The following RBFOX1 variants were observed in gnomAD, a reference collection of about 807,000 sequenced individuals.
RBFOX1 encodes the protein RNA binding fox-1 homolog 1, also known as RNA binding protein fox-1 homolog 1.
A neutral mutation model predicts 57.7 loss-of-function variants in RBFOX1; 8 were observed. The observed-to-expected ratio is 0.14, with a 90% CI of 0.08 to 0.25. The LOEUF is 0.25. Among genes scored for constraint, RBFOX1 ranks in the 10% least tolerant of loss-of-function variants. The pLI, the probability that RBFOX1 is intolerant of heterozygous loss-of-function variation, is 1.00. For missense variants in RBFOX1, 611 were observed against 548.5 expected (o/e 1.11, Z -1.14); for synonymous variants, 326 against 222.4 (o/e 1.47, Z -4.15).
In RBFOX1 at chr16:6,377,598, C is replaced by G. The variant is rs192774368; in HGVS notation, c.-64+60541C>G. Among the ~76,000 whole-genome samples, 871 of 152,282 alleles carry G rather than the reference C, an allele frequency of 5.7e-3. 13 individuals carry two copies. The highest frequency in any genetic ancestry group is 0.037 in the Middle Eastern group (11 of 294). On this transcript the variant is annotated intron_variant, in intron 2 of 15. Coordinates refer to ENST00000550418, the MANE Select transcript of RBFOX1 (RefSeq NM_018723.4). Reference sequence around the variant, plus strand: ...AGTGGAATTTGGGAAGGGTCAGGGTCTGTGCCGACAGAAATGGAAAAATCC... The same window carrying G: ...AGTGGAATTTGGGAAGGGTCAGGGTGTGTGCCGACAGAAATGGAAAAATCC...
chr16:6,734,948 TG>T, intron 3 of RBFOX1, among the ~76,000 whole-genome samples: 1 of 152,280 alleles, frequency 6.6e-6, no homozygotes, highest in South Asian at 2.1e-4. Context: ...AAGACTGGCA[TG>T]GGCAACACAG....
At chr16:5,645,142 G>C (rs2049007622) in intron 3 of RBFOX1, among the ~76,000 whole-genome samples, 1 of 151,988 alleles carries the variant, frequency 6.6e-6, no homozygotes, top group Admixed American at 6.6e-5. Context: ...CCAGGTACTT[G>C]AGAGGCTGAG....
At chr16:6,150,951 C>G (rs938655560) in intron 1 of RBFOX1, among the ~76,000 whole-genome samples, 2 of 152,166 alleles carry the variant, frequency 1.3e-5, no homozygotes, top group South Asian at 4.1e-4. Flanking sequence ...GTGCTAGCCT[C>G]TTGGTATTTT....
chr16:5,311,554 C>T (rs938935009), intron 1 of RBFOX1, among the ~76,000 whole-genome samples: 14 of 152,208 alleles, frequency 9.2e-5, no homozygotes, highest in African/African-American at 3.4e-4. Flanking sequence ...ACATCCATGC[C>T]AACATCTCTT....
At chr16:6,816,190 A>C (rs1435596521) in intron 3 of RBFOX1, among the ~76,000 whole-genome samples, 1 of 152,080 alleles carries the variant, frequency 6.6e-6, no homozygotes, top group African/African-American at 2.4e-5. Flanking sequence ...GCTCACTTGT[A>C]ATCCCAGCTC....
intron 3 of RBFOX1, among the ~76,000 whole-genome samples, chr16:6,944,114 T>A (rs2079041522): frequency 6.6e-6 from 1 of 152,080 alleles, no homozygotes; most frequent in South Asian, 2.1e-4. Context: ...GACCACACCC[T>A]GGCCAGGCAC....
chr16:6,724,360 C>G (rs1427357068), intron 3 of RBFOX1, among the ~76,000 whole-genome samples: 1 of 151,984 alleles, frequency 6.6e-6, no homozygotes, highest in Admixed American at 6.5e-5. Context: ...CAGGTGCACT[C>G]CAGCATGCCC....
At chr16:7,333,389 G>C (rs578160177) in intron 4 of RBFOX1, among the ~76,000 whole-genome samples, 1 of 152,292 alleles carries the variant, frequency 6.6e-6, no homozygotes, top group African/African-American at 2.4e-5. Flanking sequence ...CTCCTTCTCA[G>C]CTTTCTGAGG....
chr16:5,970,558 A>T (rs2059942032), intron 4 of RBFOX1, among the ~76,000 whole-genome samples: 1 of 152,176 alleles, frequency 6.6e-6, no homozygotes, highest in Admixed American at 6.5e-5. Context: ...AAGTAGAAAT[A>T]AGATAGAAAT....
intron 6 of RBFOX1, among the ~76,000 whole-genome samples, chr16:7,583,960 T>A (rs1004501934): frequency 2.6e-5 from 4 of 152,224 alleles, no homozygotes; most frequent in Non-Finnish European, 2.9e-5. Flanking sequence ...TCAAGATCAC[T>A]TTTTAGTCAC....
At chr16:5,265,898 G>A (rs2062845609) in intron 1 of RBFOX1, among the ~76,000 whole-genome samples, 1 of 152,084 alleles carries the variant, frequency 6.6e-6, no homozygotes, top group Non-Finnish European at 1.5e-5. Context: ...TACCTGTGTG[G>A]GTGTGTACAA....
At chr16:7,609,146 T>C (rs2056929014) in intron 10 of RBFOX1, among the ~76,000 whole-genome samples, 1 of 152,206 alleles carries the variant, frequency 6.6e-6, no homozygotes, top group African/African-American at 2.4e-5. Context: ...GTAGTTAGAC[T>C]AAAGAAATGT....
At chr16:7,161,085 T>C (rs1419219914) in intron 4 of RBFOX1, among the ~76,000 whole-genome samples, 1 of 152,192 alleles carries the variant, frequency 6.6e-6, no homozygotes, top group East Asian at 1.9e-4. Context: ...TTTCATCATA[T>C]TTGCAGAGTG....
At chr16:7,224,243 G>A (rs556558322) in intron 4 of RBFOX1, among the ~76,000 whole-genome samples, 6 of 147,734 alleles carry the variant, frequency 4.1e-5, no homozygotes, top group Non-Finnish European at 8.9e-5. Context: ...GTTATAAAAT[G>A]GCTTCTTTTA....
intron 4 of RBFOX1, among the ~76,000 whole-genome samples, chr16:7,502,743 G>T (rs1347157119): frequency 6.6e-6 from 1 of 152,192 alleles, no homozygotes; most frequent in African/African-American, 2.4e-5. Context: ...TTCTGAATTG[G>T]CTGGGAGTAC....
At chr16:6,918,417 G>A (rs917436863) in intron 3 of RBFOX1, among the ~76,000 whole-genome samples, 4 of 152,016 alleles carry the variant, frequency 2.6e-5, no homozygotes, top group African/African-American at 9.7e-5. Context: ...TAATATTTTT[G>A]AACTGTAGCT....
chr16:6,259,828 G>T (rs1003673033), intron 1 of RBFOX1, among the ~76,000 whole-genome samples: 3 of 151,894 alleles, frequency 2.0e-5, no homozygotes, highest in African/African-American at 7.3e-5. Flanking sequence ...AGGCCTGGTG[G>T]TGCACACCTG....
intron 4 of RBFOX1, among the ~76,000 whole-genome samples, chr16:7,473,059 A>G (rs561618551): frequency 2.0e-5 from 3 of 152,148 alleles, no homozygotes; most frequent in Admixed American, 6.6e-5. Context: ...CCAAGGGTTG[A>G]TACAAACGAT....
chr16:5,888,248 T>C (rs2057948936), intron 4 of RBFOX1, among the ~76,000 whole-genome samples: 1 of 152,190 alleles, frequency 6.6e-6, no homozygotes, highest in African/African-American at 2.4e-5. Flanking sequence ...CTTGGCCAGG[T>C]CCTCTTCTTC....
Sources: gnomAD v4.1 joint callset for allele counts (sites outside exome capture counted in the v4.1 genomes callset) on GRCh38, gnomAD v4.1.1 for gene constraint, MANE v1.5 for transcripts, NCBI Gene and HGNC (gene_info 2026-07-23, HGNC 2026-07-21) for gene names.